FARS2: variants seen among roughly 807,000 people sequenced by gnomAD.
The protein encoded by FARS2 is phenylalanyl-tRNA synthetase 2, mitochondrial.
FARS2 carries 40 observed loss-of-function variants against 46.4 expected under a neutral mutation model. The ratio of observed to expected loss-of-function variants is 0.86; its 90% CI spans 0.67 to 1.12. The LOEUF (loss-of-function observed/expected upper bound fraction) is 1.12. FARS2 is among the 50% of genes most tolerant of loss of function. FARS2 has a pLI of 0.00. For synonymous variants in FARS2, 234 were observed against 214.9 expected (o/e 1.09, Z -0.78); for missense variants, 513 against 567.9 (o/e 0.90, Z 0.98).
intron 6 of FARS2, among the ~76,000 whole-genome samples, chr6:5,626,698 A>G (rs1467265894): frequency 1.3e-5 from 2 of 152,220 alleles, no homozygotes; most frequent in Non-Finnish European, 2.9e-5. Flanking sequence ...TTTCCATGGG[A>G]GCACAGTTCA....
chr6:5,333,075 G>T (rs1770910317), intron 1 of FARS2, among the ~76,000 whole-genome samples: 1 of 152,136 alleles, frequency 6.6e-6, no homozygotes, highest in Non-Finnish European at 1.5e-5. Context: ...GTACCATTCT[G>T]CTTTCTGAAT....
intron 1 of FARS2, among the ~76,000 whole-genome samples, chr6:5,333,459 TG>T (rs1770938586): frequency 1.3e-5 from 2 of 152,202 alleles, no homozygotes; most frequent in Non-Finnish European, 2.9e-5. Context: ...ATGACTGAAC[TG>T]TAATGACCAG....
intron 4 of FARS2, among the ~76,000 whole-genome samples, chr6:5,501,558 G>A (rs559635301): frequency 9.9e-5 from 15 of 152,000 alleles, no homozygotes; most frequent in South Asian, 4.2e-4. Flanking sequence ...GTGCAGTGGC[G>A]TGATCTCAGC....
chr6:5,469,792 C>T (rs1765711521), intron 4 of FARS2, among the ~76,000 whole-genome samples: 1 of 152,194 alleles, frequency 6.6e-6, no homozygotes, highest in South Asian at 2.1e-4. Context: ...TTTAAGGGAG[C>T]TAGATTTCTA....
In FARS2 at chr6:5,404,649, G is replaced by A; in HGVS notation, c.720G>A (p.Glu240=). The change falls in exon 3 of 7, where the codon GAG becomes GAA. Residue 240 remains glutamate (E), a synonymous_variant. Transcript: ENST00000274680. Reference sequence around the variant, plus strand: ...CCATGGAGGCCGTGAAGCTTGTAGAGTTTGATCTTAAGCAAACGCTTACCA... The same window carrying A: ...CCATGGAGGCCGTGAAGCTTGTAGAATTTGATCTTAAGCAAACGCTTACCA... ...THTMEAVKLV[E]FDLKQTLTRL... 1.2e-6 allele frequency: 2 copies of A among 1,611,096 alleles called. No homozygotes were observed. Among genetic ancestry groups the A allele is most frequent in the South Asian group, 2.2e-5 (2 of 90,344 alleles).
intron 5 of FARS2, among the ~76,000 whole-genome samples, chr6:5,569,364 G>A (rs1376779736): frequency 6.6e-6 from 1 of 151,908 alleles, no homozygotes; most frequent in Non-Finnish European, 1.5e-5. Context: ...AGCCTCCTGA[G>A]TAGTTGGGAC....
At chr6:5,694,163 C>T (rs1422091383) in intron 6 of FARS2, among the ~76,000 whole-genome samples, 1 of 152,214 alleles carries the variant, frequency 6.6e-6, no homozygotes, top group African/African-American at 2.4e-5. Context: ...GGTGAAAACA[C>T]ATCTGAAAAC....
intron 6 of FARS2, among the ~76,000 whole-genome samples, chr6:5,631,166 G>T (rs1037812686): frequency 1.3e-5 from 2 of 152,188 alleles, no homozygotes; most frequent in Non-Finnish European, 2.9e-5. Context: ...GGAACATATT[G>T]CTGGGAAAAC....
intron 6 of FARS2, among the ~76,000 whole-genome samples, chr6:5,631,165 T>A (rs1582629525): frequency 6.6e-6 from 1 of 152,190 alleles, no homozygotes; most frequent in East Asian, 1.9e-4. Flanking sequence ...AGGAACATAT[T>A]GCTGGGAAAA....
Position 5,539,396 on chromosome 6 carries a change from A to ATATATATATATATATG in FARS2, c.905-5781_905-5780insATATATATATATGTAT, listed in dbSNP as rs1024662143. 2.1e-3 allele frequency among the ~76,000 whole-genome samples: 290 copies of ATATATATATATATATG among 136,490 alleles called. 18 individuals are homozygous for ATATATATATATATATG. Among genetic ancestry groups the ATATATATATATATATG allele is most frequent in the African/African-American group, 8.1e-3 (274 of 33,772 alleles). The allele number at this position is 136,490 out of a possible 152,430, so 89.5% of individuals were successfully genotyped here. On this transcript the variant is annotated intron_variant, in intron 4 of 6. Transcript: ENST00000274680. ...TAATTTTTTTTGTGTATATATATATATATGTATATATTTTTTTAGTAGAGA... is the reference window on the plus strand; with the variant it reads ...TAATTTTTTTTGTGTATATATATATATATATATATATATATGTATGTATATATTTTTTTAGTAGAGA...
At chr6:5,680,663 C>T (rs528435307) in intron 6 of FARS2, among the ~76,000 whole-genome samples, 1 of 152,082 alleles carries the variant, frequency 6.6e-6, no homozygotes, top group South Asian at 2.1e-4. Context: ...AACCCCTGGT[C>T]AACATTTTGG....
intron 4 of FARS2, among the ~76,000 whole-genome samples, chr6:5,440,837 G>A (rs955109379): frequency 3.3e-5 from 5 of 151,840 alleles, no homozygotes; most frequent in Non-Finnish European, 7.4e-5. Context: ...TACTGGTGGT[G>A]TTTTAATTCC....
At chr6:5,419,672 T>C (rs1211799325) in intron 3 of FARS2, among the ~76,000 whole-genome samples, 1 of 152,184 alleles carries the variant, frequency 6.6e-6, no homozygotes, top group Non-Finnish European at 1.5e-5. Context: ...GGCCTATGGC[T>C]TGGATCCCTA....
intron 4 of FARS2, among the ~76,000 whole-genome samples, chr6:5,536,332 A>C (rs538456061): frequency 1.3e-5 from 2 of 152,062 alleles, no homozygotes; most frequent in African/African-American, 4.8e-5. Context: ...TGCCTGGCCT[A>C]ATTTATCTCT....
chr6:5,323,103 T>G (rs1770102410), intron 1 of FARS2, among the ~76,000 whole-genome samples: 1 of 152,174 alleles, frequency 6.6e-6, no homozygotes, highest in Admixed American at 6.5e-5. Flanking sequence ...TTATTAAGCA[T>G]CCATACATTT....
In FARS2 at chr6:5,740,069, G is replaced by A. The variant is rs114509504; in HGVS notation, c.1218-31222G>A. Among the ~76,000 whole-genome samples the A allele has an allele frequency of 2.5e-3, 383 of 152,260 alleles. 1 individual carries two copies. The highest frequency in any genetic ancestry group is 8.7e-3 in the African/African-American group (363 of 41,544). On this transcript the variant is annotated intron_variant, in intron 6 of 6. Coordinates refer to ENST00000274680, the MANE Select transcript of FARS2 (RefSeq NM_006567.5). Reference sequence around the variant, plus strand: ...AAAGGCCCCCAGAGTCCATGCTTCCGACCACTGCATGGTTTTAGTCCAAAG... The same window carrying A: ...AAAGGCCCCCAGAGTCCATGCTTCCAACCACTGCATGGTTTTAGTCCAAAG...
intron 6 of FARS2, among the ~76,000 whole-genome samples, chr6:5,756,083 T>G (rs1343143355): frequency 6.6e-6 from 1 of 152,206 alleles, no homozygotes; most frequent in Non-Finnish European, 1.5e-5. Flanking sequence ...GGCAGGAATC[T>G]CAGTTCCAAC....
chr6:5,701,007 G>T (rs1167297988), intron 6 of FARS2, among the ~76,000 whole-genome samples: 1 of 152,160 alleles, frequency 6.6e-6, no homozygotes, highest in Non-Finnish European at 1.5e-5. Context: ...AGACTTTTAT[G>T]AGCACAGCAA....
chr6:5,633,804 C>G (rs1256348558), intron 6 of FARS2, among the ~76,000 whole-genome samples: 1 of 152,118 alleles, frequency 6.6e-6, no homozygotes, highest in Non-Finnish European at 1.5e-5. Context: ...GTATTCCTCT[C>G]TTAATTGTTC....
Sources: gnomAD v4.1 joint callset for allele counts (sites outside exome capture counted in the v4.1 genomes callset) on GRCh38, gnomAD v4.1.1 for gene constraint, MANE v1.5 for transcripts, NCBI Gene and HGNC (gene_info 2026-07-23, HGNC 2026-07-21) for gene names.